TRPM2: variants seen among roughly 807,000 people sequenced by gnomAD.
The protein encoded by TRPM2 is transient receptor potential cation channel subfamily M member 2.
In TRPM2, 161 loss-of-function variants were observed where a neutral mutation model predicts 174.0. That is an observed-to-expected ratio of 0.93 (90% CI 0.81 to 1.05). The LOEUF (loss-of-function observed/expected upper bound fraction) is 1.05, where lower values mean the gene tolerates loss of function less well. TRPM2 is among the 50% of genes least tolerant of loss of function. The pLI is 0.00. For missense variants in TRPM2, 2,057 were observed against 2,038.0 expected, an observed-to-expected ratio of 1.01 and a Z score of -0.18; for synonymous variants, 954 against 861.3, an observed-to-expected ratio of 1.11 and a Z score of -1.88.
In TRPM2 at chr21:44,360,512, T is replaced by A. The variant is rs999992607; in HGVS notation, c.255-3602T>A. On this transcript the variant is annotated intron_variant, in intron 2 of 31. Coordinates refer to ENST00000397928, the MANE Select transcript of TRPM2 (RefSeq NM_003307.4). ...GTGGCTACATTCTGCATAACTGTAG[T>A]ACAGTACCCAAGCCAGGAATTAAAG... Among the ~76,000 whole-genome samples, 3 of 152,004 alleles carry A rather than the reference T, an allele frequency of 2.0e-5. No homozygotes were observed. In the South Asian group the frequency reaches 6.2e-4, roughly 32 times the overall value.
intron 9 of TRPM2, 145 bp downstream of exon 9, chr21:44,382,965 G>A (rs527641877): frequency 2.1e-5 from 17 of 794,506 alleles, no homozygotes; most frequent in South Asian, 2.1e-4. Context: ...GGCAGCTGGC[G>A]ACGTGCAGGT....
intron 9 of TRPM2, 23 bp from the exon 10 acceptor site, chr21:44,390,881 A>G (rs2049150741): frequency 6.2e-7 from 1 of 1,613,818 alleles, no homozygotes. Context: ...ATCGAGGCCC[A>G]ATATGCACCT....
intron 8 of TRPM2, among the ~76,000 whole-genome samples, chr21:44,380,652 A>AAC (rs1190116275): frequency 1.3e-5 from 2 of 152,040 alleles, no homozygotes; most frequent in African/African-American, 4.8e-5. Flanking sequence ...GCGCTCCTTT[A>AAC]ACACGCCTTC....
intron 19 of TRPM2, among the ~76,000 whole-genome samples, chr21:44,407,795 G>A (rs1444637542): frequency 1.3e-5 from 2 of 151,566 alleles, no homozygotes; most frequent in Admixed American, 6.6e-5. Flanking sequence ...AGAGGACCCC[G>A]CTGTGTGGAC....
intron 2 of TRPM2, among the ~76,000 whole-genome samples, chr21:44,358,511 C>T (rs921623353): frequency 6.6e-6 from 1 of 152,194 alleles, no homozygotes; most frequent in East Asian, 1.9e-4. Flanking sequence ...AGCTCTCCGG[C>T]GATGTAATTT....
intron 2 of TRPM2, among the ~76,000 whole-genome samples, chr21:44,357,760 C>G (rs117554708): frequency 0.012 from 1,837 of 152,326 alleles, 25 homozygotes; most frequent in Non-Finnish European, 0.02. Flanking sequence ...AGTCAGGGGA[C>G]GGAGAGACGC....
At chr21:44,358,054 T>G (rs28532655) in intron 2 of TRPM2, among the ~76,000 whole-genome samples, 38,439 of 151,870 alleles carry the variant, frequency 0.25, 5,354 homozygotes, top group African/African-American at 0.39. Flanking sequence ...TTTATACCAC[T>G]TACATGTTTC....
At chr21:44,356,650 C>T (rs2048073491) in intron 2 of TRPM2, among the ~76,000 whole-genome samples, 1 of 151,696 alleles carries the variant, frequency 6.6e-6, no homozygotes, top group Non-Finnish European at 1.5e-5. Flanking sequence ...ACCATGTTGG[C>T]CAGGCTGGTC....
chr21:44,378,771 G>A (rs923944636), intron 7 of TRPM2, among the ~76,000 whole-genome samples: 4 of 152,218 alleles, frequency 2.6e-5, no homozygotes, highest in African/African-American at 9.7e-5. Flanking sequence ...TGATTCTGCT[G>A]GAGCTGAGGC....
Position 44,405,902 on chromosome 21 carries a change from C to A in TRPM2, c.2658-3C>A, listed in dbSNP as rs1164116557. 1 of 1,601,574 alleles carries A rather than the reference C, an allele frequency of 6.2e-7. No individual in the cohort carries two copies. Among genetic ancestry groups the A allele is most frequent in the Admixed American group, 1.7e-5 (1 of 59,780 alleles). ...GATGTGTGTGCTTCTGCCCGGCGGC[C>A]AGGCTCATCCCGGCGACGCTGTACC... On this transcript the variant is annotated splice_region_variant and splice_polypyrimidine_tract_variant and intron_variant, in intron 17 of 31. Coordinates refer to ENST00000397928, the MANE Select transcript of TRPM2 (RefSeq NM_003307.4).
At chr21:44,416,962 G>C (rs878915144) in intron 20 of TRPM2, among the ~76,000 whole-genome samples, 2,167 of 132,622 alleles carry the variant, frequency 0.016, 25 homozygotes, top group Non-Finnish European at 0.022. Flanking sequence ...GCACGTGGGC[G>C]TGGCTCTGCT....
At chr21:44,353,419 C>T (rs1710026949), upstream of TRPM2, 1 of 289,638 alleles carries the variant, frequency 3.5e-6, no homozygotes, top group East Asian at 6.5e-5. Context: ...GCCGCTGGGA[C>T]CCCCGCATGT....
In TRPM2 at chr21:44,376,044, G is replaced by A; in HGVS notation, c.952+31G>A. The A allele has an allele frequency of 2.5e-6, 4 of 1,604,512 alleles. No individual in the cohort carries two copies. In the South Asian group the frequency reaches 3.3e-5, roughly 13 times the overall value. ...GGAGCTTGCTTTCGAGGGTGATTGG[G>A]CAGAGAGCACAGTGGGCTGGTCAGA... On this transcript the variant is annotated intron_variant, in intron 6 of 31. Coordinates refer to ENST00000397928, the MANE Select transcript of TRPM2 (RefSeq NM_003307.4). The surrounding 1 kb of genome is among the most constrained non-coding windows in gnomAD (Gnocchi z 4.2).
chr21:44,399,980 T>C lies in TRPM2; in HGVS notation c.2209-279T>C, dbSNP rs2146275659. ...TAGGGAGGCCTGGGGAAGGGTCCTGTCCCCCACTGCAGAGCTCAGAGGGGC... is the reference window on the plus strand; with the variant it reads ...TAGGGAGGCCTGGGGAAGGGTCCTGCCCCCCACTGCAGAGCTCAGAGGGGC... On this transcript the variant is annotated intron_variant, in intron 14 of 31. Transcript: ENST00000397928. This position sits in a 1 kb window ranked among gnomAD's most constrained non-coding sequence, Gnocchi z 4.6. 6.6e-6 allele frequency among the ~76,000 whole-genome samples: 1 copy of C among 152,152 alleles called. No individual in the cohort carries two copies. The highest frequency in any genetic ancestry group is 2.1e-4 in the South Asian group (1 of 4,828).
At chr21:44,404,486 G>GC (rs2049791696) in intron 16 of TRPM2, among the ~76,000 whole-genome samples, 1 of 152,214 alleles carries the variant, frequency 6.6e-6, no homozygotes. Context: ...TGAGCAGGGG[G>GC]CCGAGGTAGC....
intron 9 of TRPM2, among the ~76,000 whole-genome samples, chr21:44,384,443 C>T (rs1221382246): frequency 6.6e-6 from 1 of 152,162 alleles, no homozygotes; most frequent in African/African-American, 2.4e-5. Flanking sequence ...TGCCCTTCCA[C>T]TGGAAGGCAG....
intron 13 of TRPM2, among the ~76,000 whole-genome samples, chr21:44,398,549 G>A (rs898899465): frequency 1.1e-4 from 16 of 152,056 alleles, no homozygotes; most frequent in Admixed American, 8.5e-4. Context: ...GCCAGGCAGC[G>A]GGGAGTACTG....
intron 9 of TRPM2, among the ~76,000 whole-genome samples, chr21:44,385,198 C>T (rs1268493793): frequency 6.6e-6 from 1 of 152,146 alleles, no homozygotes; most frequent in African/African-American, 2.4e-5. Flanking sequence ...TCAACTGATA[C>T]ATTTGACAAA....
intron 8 of TRPM2, among the ~76,000 whole-genome samples, chr21:44,382,149 A>G (rs2048900471): frequency 6.6e-6 from 1 of 152,080 alleles, no homozygotes; most frequent in Non-Finnish European, 1.5e-5. Context: ...ATAGATGGAT[A>G]CATGGATAGA....
Sources: allele counts gnomAD v4.1 joint callset (sites outside exome capture counted in the v4.1 genomes callset), GRCh38; gene constraint gnomAD v4.1.1; non-coding constraint Gnocchi (gnomAD v3.1); transcripts MANE v1.5; gene names NCBI Gene and HGNC (gene_info 2026-07-23, HGNC 2026-07-21).